The following RYR2 variants were observed in gnomAD, a reference collection of about 807,000 sequenced individuals.
RYR2 encodes cardiac muscle ryanodine receptor-calcium release channel.
A neutral mutation model predicts 601.1 loss-of-function variants in RYR2; 227 were observed. The observed-to-expected ratio is 0.38, with a 90% CI of 0.34 to 0.42. The LOEUF (loss-of-function observed/expected upper bound fraction) is 0.42, where lower values mean the gene tolerates loss of function less well. Among genes scored for constraint, RYR2 ranks in the 10% least tolerant of loss-of-function variants. The pLI is 1.00. For missense variants in RYR2, 4,646 were observed against 6,156.5 expected (o/e 0.75, Z 8.21); for synonymous variants, 2,223 against 2,175.1 (o/e 1.02, Z -0.61).
At chr1:237,148,986 T>G (rs1674391204) in intron 1 of RYR2, among the ~76,000 whole-genome samples, 1 of 152,170 alleles carries the variant, frequency 6.6e-6, no homozygotes. Context: ...TGTTTTCACT[T>G]CTGTTCCCAA....
At chr1:237,687,366 C>CTTTTTTTTTTTTTTTTTTTTTTTTTTCT (rs10679267) in intron 62 of RYR2, 89 bp from the exon 63 acceptor site, 5 of 259,150 alleles carry the variant, frequency 1.9e-5, no homozygotes, top group Non-Finnish European at 3.5e-5. Flanking sequence ...TTTTCTTCTT[C>CTTTTTTTTTTTTTTTTTTTTTTTTTTCT]TTTTTTTTTT....
rs371760672 is a variant in RYR2 at position 237,660,956 on chromosome 1, T to G, written c.8436+9T>G. Reference sequence around the variant, plus strand: ...TTTCTCAGACAAGCCAGGTAAGAATTCATCACGGTGATGAATCAACTGTTT... The same window carrying G: ...TTTCTCAGACAAGCCAGGTAAGAATGCATCACGGTGATGAATCAACTGTTT... On this transcript the variant is annotated intron_variant, in intron 56 of 104. Transcript: ENST00000366574. 1.2e-5 allele frequency: 16 copies of G among 1,384,930 alleles called. No individual in the cohort carries two copies. The East Asian group carries it at 4.1e-4, about 35-fold the overall frequency. 85.8% of individuals were successfully genotyped at this position (1,384,930 alleles called of 1,614,324 possible). A position where few individuals can be genotyped will look rare whatever the true frequency, so the allele number is the denominator to read the frequency against.
intron 1 of RYR2, among the ~76,000 whole-genome samples, chr1:237,221,607 C>T (rs1357338430): frequency 6.6e-6 from 1 of 152,210 alleles, no homozygotes. Flanking sequence ...ACATGTACTG[C>T]AAATTTTTCA....
At chr1:237,051,796 C>T (rs1229970919) in intron 1 of RYR2, among the ~76,000 whole-genome samples, 2 of 152,122 alleles carry the variant, frequency 1.3e-5, no homozygotes, top group Non-Finnish European at 2.9e-5. Context: ...GGCAGTGGAG[C>T]GACAGTTTCA....
chr1:237,671,238 G>C (rs942280559), intron 58 of RYR2, among the ~76,000 whole-genome samples: 4 of 152,200 alleles, frequency 2.6e-5, no homozygotes, highest in Non-Finnish European at 5.9e-5. Flanking sequence ...ATACAGTCAG[G>C]ATCCTGGCTT....
intron 101 of RYR2, among the ~76,000 whole-genome samples, chr1:237,820,963 G>C (rs1004514960): frequency 2.0e-5 from 3 of 152,160 alleles, no homozygotes; most frequent in Admixed American, 6.5e-5. Flanking sequence ...CAGCCAGACT[G>C]CCTCTCTAGA....
intron 1 of RYR2, among the ~76,000 whole-genome samples, chr1:237,107,813 C>T (rs751256936): frequency 3.9e-5 from 6 of 152,190 alleles, no homozygotes; most frequent in Admixed American, 2.0e-4. Context: ...TCCAGAAGCA[C>T]GTCACACGTG....
At chr1:237,103,234 T>C (rs1668316534) in intron 1 of RYR2, among the ~76,000 whole-genome samples, 1 of 152,206 alleles carries the variant, frequency 6.6e-6, no homozygotes, top group Non-Finnish European at 1.5e-5. Context: ...TTAAAATTTA[T>C]TTTGGATATT....
At chr1:237,174,653 C>T (rs1677811866) in intron 1 of RYR2, among the ~76,000 whole-genome samples, 1 of 152,158 alleles carries the variant, frequency 6.6e-6, no homozygotes, top group Non-Finnish European at 1.5e-5. Flanking sequence ...ATTTGCCAAT[C>T]TCATGTTCTA....
At chr1:237,066,856 C>G (rs1284361477) in intron 1 of RYR2, among the ~76,000 whole-genome samples, 1 of 152,050 alleles carries the variant, frequency 6.6e-6, no homozygotes, top group Non-Finnish European at 1.5e-5. Flanking sequence ...TTAGGATGGT[C>G]TCGATCTCCT....
At chr1:237,641,902 C>T (rs932378935) in intron 47 of RYR2, among the ~76,000 whole-genome samples, 1 of 152,126 alleles carries the variant, frequency 6.6e-6, no homozygotes, top group Non-Finnish European at 1.5e-5. Flanking sequence ...TGGAATAATA[C>T]TTTTACTCTG....
At chr1:237,815,932 A>G (rs1051986480) in intron 100 of RYR2, among the ~76,000 whole-genome samples, 18 of 152,174 alleles carry the variant, frequency 1.2e-4, no homozygotes, top group African/African-American at 3.4e-4. Flanking sequence ...CCCAAGACCC[A>G]AAGACTCCCA....
intron 10 of RYR2, among the ~76,000 whole-genome samples, chr1:237,393,191 G>A (rs556575142): frequency 1.3e-5 from 2 of 152,078 alleles, no homozygotes; most frequent in East Asian, 1.9e-4. Flanking sequence ...ATTGCTCTTG[G>A]CATATGCTTG....
intron 34 of RYR2, among the ~76,000 whole-genome samples, chr1:237,600,102 C>A (rs546336947): frequency 6.6e-6 from 1 of 152,110 alleles, no homozygotes; most frequent in Non-Finnish European, 1.5e-5. Flanking sequence ...TATGAAATCA[C>A]AAAAGACCCC....
Position 237,272,322 on chromosome 1 carries a change from CA to C in RYR2, c.168+1716del, listed in dbSNP as rs56155088. ...GGCAAAGGATAGAGAAGGATCGAAC[CA>C]AAAAAAAAATAGAGGGGGGAAGCAG... On this transcript the variant is annotated intron_variant, in intron 2 of 104. Coordinates refer to ENST00000366574, the MANE Select transcript of RYR2 (RefSeq NM_001035.3). 5.2e-3 allele frequency among the ~76,000 whole-genome samples: 745 copies of C among 142,088 alleles called. 4 individuals carry two copies. Among genetic ancestry groups the C allele is most frequent in the African/African-American group, 0.017 (672 of 38,434 alleles). 93.2% of individuals were successfully genotyped at this position (142,088 alleles called of 152,430 possible).
intron 4 of RYR2, among the ~76,000 whole-genome samples, chr1:237,357,075 C>G (rs1213763179): frequency 6.6e-6 from 1 of 151,664 alleles, no homozygotes; most frequent in East Asian, 1.9e-4. Flanking sequence ...TTTTTTAGCC[C>G]TTTAAAGACA....
intron 25 of RYR2, among the ~76,000 whole-genome samples, chr1:237,540,549 A>G (rs1975961): frequency 0.36 from 54,492 of 151,712 alleles, 10,430 homozygotes; most frequent in East Asian, 0.48. Context: ...TCTACTAAAA[A>G]TACAAAAATT....
chr1:237,364,349 C>A lies in RYR2; in HGVS notation c.295-9C>A, dbSNP rs760744943. On this transcript the variant is annotated splice_polypyrimidine_tract_variant and intron_variant, in intron 4 of 104. Coordinates refer to ENST00000366574, the MANE Select transcript of RYR2 (RefSeq NM_001035.3). Reference sequence around the variant, plus strand: ...TAATGTTTCCTCTCTTTTCCTTATGCCCCTACAGAAATTCATGATGAAGGT... The same window carrying A: ...TAATGTTTCCTCTCTTTTCCTTATGACCCTACAGAAATTCATGATGAAGGT... 3 of 1,574,062 alleles carry A rather than the reference C, an allele frequency of 1.9e-6. No individual in the cohort carries two copies. The highest frequency in any genetic ancestry group is 2.6e-6 in the Non-Finnish European group (3 of 1,155,636).
intron 18 of RYR2, among the ~76,000 whole-genome samples, chr1:237,492,183 C>T (rs555132375): frequency 1.8e-4 from 27 of 152,248 alleles, no homozygotes; most frequent in African/African-American, 5.5e-4. Flanking sequence ...AGGTGCATGC[C>T]ACCATGCCCG....
Sources: gnomAD v4.1 joint callset for allele counts (sites outside exome capture counted in the v4.1 genomes callset) on GRCh38, gnomAD v4.1.1 for gene constraint, MANE v1.5 for transcripts, NCBI Gene and HGNC (gene_info 2026-07-23, HGNC 2026-07-21) for gene names.